DENND5A: variants seen among roughly 807,000 people sequenced by gnomAD.
DENND5A encodes DENN domain-containing protein 5A.
Under a neutral mutation model 140.3 loss-of-function variants are expected in DENND5A, and 64 were observed. The observed-to-expected ratio is 0.46, with a 90% CI of 0.37 to 0.56. The LOEUF (loss-of-function observed/expected upper bound fraction) is 0.56. Ranked by LOEUF, DENND5A falls within the 20% of genes least tolerant of loss-of-function variation. DENND5A has a pLI of 0.00. For synonymous variants in DENND5A, 605 were observed against 607.7 expected (o/e 1.00, Z 0.07); for missense variants, 1,292 against 1,593.8 (o/e 0.81, Z 3.22).
intron 2 of DENND5A, 28 bp downstream of exon 2, chr11:9,207,533 G>C: frequency 6.5e-7 from 1 of 1,544,314 alleles, no homozygotes; most frequent in Non-Finnish European, 8.9e-7. Context: ...GAAAGCTTTG[G>C]GTGTTCTCAA....
intron 1 of DENND5A, among the ~76,000 whole-genome samples, chr11:9,243,117 C>A (rs796569902): frequency 0.18 from 15,680 of 86,420 alleles, 1,535 homozygotes; most frequent in Middle Eastern, 0.26. Flanking sequence ...AAAAAAAAAA[C>A]TGAGGCGAGT....
intron 1 of DENND5A, among the ~76,000 whole-genome samples, chr11:9,257,583 G>A (rs1390873455): frequency 6.8e-6 from 1 of 147,000 alleles, no homozygotes; most frequent in Non-Finnish European, 1.5e-5. Flanking sequence ...CCAGGTTCAC[G>A]CCATTCTCCT....
At chr11:9,146,999 G>A (rs1317101171) in intron 16 of DENND5A, 31 bp downstream of exon 16, 14 of 1,613,434 alleles carry the variant, frequency 8.7e-6, no homozygotes, top group East Asian at 2.2e-5. Context: ...ACTGCCTTGA[G>A]AAGGCCAGCT....
chr11:9,248,275 G>A (rs1262375498), intron 1 of DENND5A, among the ~76,000 whole-genome samples: 6 of 152,066 alleles, frequency 3.9e-5, no homozygotes, highest in East Asian at 1.9e-4. Flanking sequence ...GAGCCACAGC[G>A]CCCAGCTGGA....
intron 11 of DENND5A, among the ~76,000 whole-genome samples, chr11:9,164,162 G>A (rs950998251): frequency 6.0e-5 from 7 of 116,082 alleles, no homozygotes; most frequent in Non-Finnish European, 1.1e-4. Flanking sequence ...CACCAAAGTA[G>A]CTGGGACTAA....
intron 8 of DENND5A, among the ~76,000 whole-genome samples, chr11:9,174,946 T>C (rs1375372437): frequency 6.6e-6 from 1 of 150,834 alleles, no homozygotes; most frequent in Non-Finnish European, 1.5e-5. Flanking sequence ...CAAGCCAGTG[T>C]AATACAGAAA....
chr11:9,193,636 A>G lies in DENND5A; in HGVS notation c.995T>C (p.Met332Thr), dbSNP rs577172428. The change falls in exon 5 of 23, where the codon ATG (methionine) becomes ACG (threonine). Residue 332 changes from methionine (M) to threonine (T), a missense_variant. Around this residue, in one of 4 missense-constraint regions of DENND5A, gnomAD observed 566 missense variants for 650.4 expected, o/e 0.87. Transcript: ENST00000328194. ...GACATGCTGCCACTGGAAAGGAAAC[A>G]TGAGAGCTGTAATCGTCTCCGCCAC... Reference protein sequence around the residue: ...MTVAETITALMFPFQWQHVYV... With the variant: ...MTVAETITALTFPFQWQHVYV... 108 of 1,614,066 alleles carry G rather than the reference A, an allele frequency of 6.7e-5. 1 individual carries two copies. The South Asian group carries it at 1.1e-3, about 16-fold the overall frequency.
In DENND5A at chr11:9,160,750, AG is replaced by A; in HGVS notation, c.2398del (p.Leu800TrpfsTer11). The A allele has an allele frequency of 6.2e-7, 1 of 1,613,778 alleles. No individual in the cohort carries two copies. The highest frequency in any genetic ancestry group is 8.5e-7 in the Non-Finnish European group (1 of 1,179,714). ...TAGTCCATGACTCCAGATCCTTTCC[AG>A]GAGATCACAAAGGCTGGCAATCAGG... ...NTLIASLCDL[L>X]ERIWSHGLQV... is the part of the protein sequence containing the mutation. On this transcript the variant is annotated frameshift_variant, in exon 12 of 23. Coordinates refer to ENST00000328194, the MANE Select transcript of DENND5A (RefSeq NM_015213.4). LOFTEE classifies it high-confidence loss of function.
chr11:9,220,288 C>G (rs1160478935), intron 1 of DENND5A, among the ~76,000 whole-genome samples: 3 of 152,176 alleles, frequency 2.0e-5, no homozygotes, highest in Non-Finnish European at 4.4e-5. Context: ...TGGCTCATGC[C>G]TGTAATCCCA....
At chr11:9,188,828 A>T (rs967938330) in intron 5 of DENND5A, among the ~76,000 whole-genome samples, 4 of 152,234 alleles carry the variant, frequency 2.6e-5, no homozygotes, top group Non-Finnish European at 5.9e-5. Flanking sequence ...AGGGAAACAG[A>T]GCATAAAAGT....
chr11:9,232,803 A>G (rs1483486552), intron 1 of DENND5A, among the ~76,000 whole-genome samples: 1 of 152,190 alleles, frequency 6.6e-6, no homozygotes, highest in African/African-American at 2.4e-5. Context: ...TAATACTCAA[A>G]AACTACAAAC....
intron 1 of DENND5A, among the ~76,000 whole-genome samples, chr11:9,248,171 C>T (rs185267596): frequency 8.2e-4 from 124 of 152,070 alleles, no homozygotes; most frequent in Non-Finnish European, 1.5e-3. Flanking sequence ...TTTGTAAAGA[C>T]GGGGTTTCAC....
chr11:9,184,882 T>A (rs536852027), intron 5 of DENND5A, among the ~76,000 whole-genome samples: 2 of 152,204 alleles, frequency 1.3e-5, no homozygotes, highest in East Asian at 3.8e-4. Flanking sequence ...AGGTGTCTTT[T>A]TCTTCATTTA....
chr11:9,193,008 T>C (rs966651052), intron 5 of DENND5A, among the ~76,000 whole-genome samples: 6 of 152,176 alleles, frequency 3.9e-5, no homozygotes, highest in African/African-American at 1.4e-4. Context: ...GAGGATTACT[T>C]GAGCCCAGGA....
intron 11 of DENND5A, among the ~76,000 whole-genome samples, chr11:9,164,189 G>A (rs927342876): frequency 3.6e-5 from 4 of 111,076 alleles, no homozygotes; most frequent in Admixed American, 3.6e-4. Context: ...GCACCACCAC[G>A]CCTAATTTTT....
chr11:9,169,805 A>T (rs775515609), intron 10 of DENND5A, 51 bp downstream of exon 10: 1 of 1,068,746 alleles, frequency 9.4e-7, no homozygotes, highest in Non-Finnish European at 1.5e-6. Flanking sequence ...AAAGAGAAGG[A>T]GTGCACAGCA....
At chr11:9,164,785 G>C (rs1044005980) in intron 11 of DENND5A, among the ~76,000 whole-genome samples, 1 of 152,026 alleles carries the variant, frequency 6.6e-6, no homozygotes, top group African/African-American at 2.4e-5. Context: ...AAATACATAA[G>C]ACTAATCTGT....
At chr11:9,211,853 G>A (rs764431745) in intron 1 of DENND5A, among the ~76,000 whole-genome samples, 3 of 150,330 alleles carry the variant, frequency 2.0e-5, no homozygotes, top group Admixed American at 6.7e-5. Flanking sequence ...AATCTCTTGA[G>A]GTTGAGGTGG....
chr11:9,205,741 C>T lies in DENND5A; in HGVS notation c.291+932G>A, dbSNP rs539008048. Among the ~76,000 whole-genome samples the T allele has an allele frequency of 3.3e-5, 5 of 152,112 alleles. No individual in the cohort carries two copies. In the East Asian group the frequency reaches 9.7e-4, roughly 29 times the overall value. ...AACACTGCTTCTATAAAAAAAAAAT[C>T]CAAAAAGTAGCCAGGCATAGTGTCG... On this transcript the variant is annotated intron_variant, in intron 3 of 22. Transcript: ENST00000328194.
Sources: gnomAD v4.1 joint callset for allele counts (sites outside exome capture counted in the v4.1 genomes callset) on GRCh38, gnomAD v4.1.1 for gene constraint, gnomAD v4.1.1 regional missense constraint, MANE v1.5 for transcripts, NCBI Gene and HGNC (gene_info 2026-07-23, HGNC 2026-07-21) for gene names.